The following PDLIM5 variants were observed in gnomAD, a reference collection of about 807,000 sequenced individuals.
The protein encoded by PDLIM5 is PDZ and LIM domain protein 5.
A neutral mutation model predicts 64.2 loss-of-function variants in PDLIM5; 34 were observed. The observed-to-expected ratio is 0.53, with a 90% CI of 0.40 to 0.71. The LOEUF is 0.71. Ranked by LOEUF, PDLIM5 falls within the 30% of genes least tolerant of loss-of-function variation. The pLI is 0.00. For missense variants in PDLIM5, 683 were observed against 733.6 expected, an observed-to-expected ratio of 0.93 and a Z score of 0.80; for synonymous variants, 253 against 269.1, an observed-to-expected ratio of 0.94 and a Z score of 0.59.
intron 4 of PDLIM5, 68 bp from the exon 5 acceptor site, chr4:94,575,548 T>C (rs1560713912): frequency 5.4e-6 from 6 of 1,116,584 alleles, no homozygotes; most frequent in Non-Finnish European, 7.8e-6. Flanking sequence ...CTCTGTGTTC[T>C]TTTCGGTGAA....
intron 2 of PDLIM5, among the ~76,000 whole-genome samples, chr4:94,461,659 G>C (rs144895366): frequency 7.2e-4 from 109 of 151,954 alleles, no homozygotes; most frequent in Non-Finnish European, 1.4e-3. Context: ...TAAATACTCA[G>C]ATTTCTTTTA....
chr4:94,626,675 CT>C (rs1007129564), intron 8 of PDLIM5, among the ~76,000 whole-genome samples: 6 of 146,852 alleles, frequency 4.1e-5, no homozygotes, highest in Admixed American at 2.0e-4. Flanking sequence ...ATGTGTTTTT[CT>C]TTTTTTTTTA....
intron 7 of PDLIM5, among the ~76,000 whole-genome samples, chr4:94,601,384 T>C (rs933596768): frequency 6.6e-6 from 1 of 152,152 alleles, no homozygotes; most frequent in African/African-American, 2.4e-5. Flanking sequence ...TACTATCACA[T>C]AGGGCGTTAG....
intron 9 of PDLIM5, among the ~76,000 whole-genome samples, chr4:94,644,336 A>G (rs183197892): frequency 7.4e-4 from 112 of 152,268 alleles, no homozygotes; most frequent in Non-Finnish European, 1.4e-3. Flanking sequence ...TTTAATTTTT[A>G]TTCATGCTTT....
rs145190044 is a variant in PDLIM5, at chr4:94,456,111, CTATTA to C, written c.96+731_96+735del. The stretch of plus-strand genomic sequence containing the variant: ...TTTCATCACCAGTAGGTAATTATTA[CTATTA>C]TATAAGTTTCTAAAAGGTTTGTTTT... On this transcript the variant is annotated intron_variant, in intron 2 of 12. Coordinates refer to ENST00000317968, the MANE Select transcript of PDLIM5 (RefSeq NM_006457.5). 8.7e-3 allele frequency: 5,988 copies of C among 690,774 alleles called. 191 individuals are homozygous for C. Among genetic ancestry groups the C allele is most frequent in the African/African-American group, 0.079 (4,354 of 54,768 alleles). 42.8% of individuals were successfully genotyped at this position (690,774 alleles called of 1,614,324 possible).
chr4:94,556,966 A>G (rs973992557), intron 3 of PDLIM5, among the ~76,000 whole-genome samples: 6 of 152,182 alleles, frequency 3.9e-5, no homozygotes, highest in African/African-American at 9.7e-5. Flanking sequence ...TGTTTTCGTC[A>G]GGAAGTCCTT....
chr4:94,531,939 G>C (rs562768524), intron 3 of PDLIM5, among the ~76,000 whole-genome samples: 2,224 of 151,954 alleles, frequency 0.015, 58 homozygotes, highest in African/African-American at 0.049. Context: ...AAGGAAAAAG[G>C]GGGGGAAAGC....
At chr4:94,471,888 A>G (rs760868800) in intron 2 of PDLIM5, among the ~76,000 whole-genome samples, 1 of 151,954 alleles carries the variant, frequency 6.6e-6, no homozygotes, top group East Asian at 1.9e-4. Context: ...ATAAGTATTT[A>G]TACTTACAAA....
intron 7 of PDLIM5, among the ~76,000 whole-genome samples, chr4:94,599,430 G>GT (rs1737314456): frequency 6.6e-6 from 1 of 152,028 alleles, no homozygotes; most frequent in African/African-American, 2.4e-5. Flanking sequence ...ATTTGGTACA[G>GT]TAAAAAAAGC....
rs572742092 is a variant in PDLIM5, at chr4:94,514,350, G to A, written c.97-9374G>A. Reference sequence around the variant, plus strand: ...GGGGTTTCACCATGTTAGCCAGGATGGTCTCAATCTCCTGACCTTGTGATC... The same window carrying A: ...GGGGTTTCACCATGTTAGCCAGGATAGTCTCAATCTCCTGACCTTGTGATC... On this transcript the variant is annotated intron_variant, in intron 2 of 12. Coordinates refer to ENST00000317968, the MANE Select transcript of PDLIM5 (RefSeq NM_006457.5). Among the ~76,000 whole-genome samples, 3 of 152,008 alleles carry A rather than the reference G, an allele frequency of 2.0e-5. No individual in the cohort carries two copies. In the East Asian group the frequency reaches 5.8e-4, roughly 29 times the overall value.
intron 7 of PDLIM5, among the ~76,000 whole-genome samples, chr4:94,593,416 G>T (rs1236058727): frequency 6.6e-6 from 1 of 152,152 alleles, no homozygotes; most frequent in Non-Finnish European, 1.5e-5. Context: ...TAAGTTCTAG[G>T]TCAAGGTGCC....
At chr4:94,494,066 C>T (rs991819993) in intron 2 of PDLIM5, among the ~76,000 whole-genome samples, 4 of 151,780 alleles carry the variant, frequency 2.6e-5, no homozygotes, top group Non-Finnish European at 4.4e-5. Context: ...TTCAAGTGAT[C>T]CTCCCACTTC....
intron 2 of PDLIM5, among the ~76,000 whole-genome samples, chr4:94,479,043 G>T (rs1725606442): frequency 6.6e-6 from 1 of 151,406 alleles, no homozygotes; most frequent in South Asian, 2.1e-4. Flanking sequence ...GGGACCACAG[G>T]CATGTGCCAC....
chr4:94,552,046 GCTTA>G lies in PDLIM5; in HGVS notation c.249-21300_249-21297del, dbSNP rs1732855640. Among the ~76,000 whole-genome samples the G allele has an allele frequency of 2.0e-5, 3 of 152,164 alleles. No individual in the cohort carries two copies. In the South Asian group the frequency reaches 6.2e-4, roughly 32 times the overall value. ...TTGGACTGTGCCTAATGATTTGGAAGCTTACTTAATCACTATTCTCAATAGCTAC... is the reference window on the plus strand; with the variant it reads ...TTGGACTGTGCCTAATGATTTGGAAGCTTAATCACTATTCTCAATAGCTAC... On this transcript the variant is annotated intron_variant, in intron 3 of 12. Coordinates refer to ENST00000317968, the MANE Select transcript of PDLIM5 (RefSeq NM_006457.5).
At chr4:94,603,511 C>T (rs1307939326) in intron 7 of PDLIM5, among the ~76,000 whole-genome samples, 1 of 152,038 alleles carries the variant, frequency 6.6e-6, no homozygotes, top group African/African-American at 2.4e-5. Flanking sequence ...AAAACTGGGA[C>T]GTTGCCAAGA....
intron 2 of PDLIM5, chr4:94,455,795 A>T (rs1238029717): frequency 1.3e-6 from 2 of 1,515,400 alleles, no homozygotes; most frequent in African/African-American, 2.8e-5. Flanking sequence ...GAATAAAATG[A>T]TTGTTTCGGA....
At chr4:94,520,108 C>T (rs1189546886) in intron 2 of PDLIM5, among the ~76,000 whole-genome samples, 1 of 151,952 alleles carries the variant, frequency 6.6e-6, no homozygotes, top group East Asian at 1.9e-4. Flanking sequence ...GTGAACAGAC[C>T]TGAACTCAGA....
chr4:94,608,783 A>G (rs1345907002), intron 7 of PDLIM5, among the ~76,000 whole-genome samples: 1 of 152,208 alleles, frequency 6.6e-6, no homozygotes, highest in African/African-American at 2.4e-5. Flanking sequence ...AGAGTAATGC[A>G]GAAACTCAGA....
intron 3 of PDLIM5, among the ~76,000 whole-genome samples, chr4:94,539,517 G>A (rs529697533): frequency 3.9e-5 from 6 of 152,170 alleles, no homozygotes; most frequent in Non-Finnish European, 5.9e-5. Context: ...TCTACGGTAG[G>A]ATTAGGGAAT....
Sources: gnomAD v4.1 joint callset for allele counts (sites outside exome capture counted in the v4.1 genomes callset) on GRCh38, gnomAD v4.1.1 for gene constraint, MANE v1.5 for transcripts, NCBI Gene and HGNC (gene_info 2026-07-23, HGNC 2026-07-21) for gene names.